NAALADL2: variants seen among roughly 807,000 people sequenced by gnomAD.
The protein encoded by NAALADL2 is inactive N-acetylated-alpha-linked acidic dipeptidase-like protein 2.
NAALADL2 carries 76 observed loss-of-function variants against 87.2 expected under a neutral mutation model. The observed-to-expected ratio is 0.87, with a 90% confidence interval of 0.72 to 1.05. NAALADL2 has a LOEUF of 1.05. Ranked by LOEUF, NAALADL2 falls within the 50% of genes least tolerant of loss-of-function variation. The pLI is 0.00. For synonymous variants in NAALADL2, 354 were observed against 331.0 expected, an observed-to-expected ratio of 1.07 and a Z score of -0.75; for missense variants, 1,089 against 945.8, an observed-to-expected ratio of 1.15 and a Z score of -1.99.
chr3:175,284,389 A>G (rs2110100367), intron 4 of NAALADL2, among the ~76,000 whole-genome samples: 1 of 152,174 alleles, frequency 6.6e-6, no homozygotes, highest in East Asian at 1.9e-4. Context: ...TCATTTTCTT[A>G]TACTATTATA....
chr3:175,784,335 G>A (rs1351967569), intron 13 of NAALADL2, among the ~76,000 whole-genome samples: 1 of 151,962 alleles, frequency 6.6e-6, no homozygotes, highest in Non-Finnish European at 1.5e-5. Context: ...TCTGGTCCTG[G>A]ACTATTTTTG....
chr3:175,405,622 A>C (rs1273968919), intron 5 of NAALADL2, among the ~76,000 whole-genome samples: 2 of 152,192 alleles, frequency 1.3e-5, no homozygotes, highest in Non-Finnish European at 2.9e-5. Flanking sequence ...TTTGGCACAC[A>C]TTAAAATTTA....
chr3:175,000,976 C>T (rs73048963), intron 1 of NAALADL2, among the ~76,000 whole-genome samples: 5,629 of 152,190 alleles, frequency 0.037, 330 homozygotes, highest in African/African-American at 0.13. Context: ...TAAAACACTG[C>T]GGCATGCGCA....
chr3:174,883,852 C>T (rs1315107874), intron 1 of NAALADL2, among the ~76,000 whole-genome samples: 3 of 152,126 alleles, frequency 2.0e-5, no homozygotes, highest in African/African-American at 7.2e-5. Flanking sequence ...TGTAATTTCC[C>T]ATTGACCTTA....
At chr3:174,992,332 A>G (rs887262849) in intron 1 of NAALADL2, among the ~76,000 whole-genome samples, 5 of 152,102 alleles carry the variant, frequency 3.3e-5, no homozygotes, top group Admixed American at 6.5e-5. Flanking sequence ...GTTGATTTGA[A>G]GCAACGTAAT....
chr3:174,964,015 C>T (rs942689129), intron 1 of NAALADL2, among the ~76,000 whole-genome samples: 10 of 135,262 alleles, frequency 7.4e-5, no homozygotes, highest in Non-Finnish European at 6.4e-5. Context: ...TACTTTTTCG[C>T]ATGTTATTAA....
At chr3:175,312,629 A>T (rs1032936023) in intron 4 of NAALADL2, among the ~76,000 whole-genome samples, 1 of 152,184 alleles carries the variant, frequency 6.6e-6, no homozygotes, top group Non-Finnish European at 1.5e-5. Context: ...CAGTGAAAAG[A>T]TTACGAGACT....
chr3:175,387,604 A>G (rs1188292957), intron 5 of NAALADL2, among the ~76,000 whole-genome samples: 9 of 152,150 alleles, frequency 5.9e-5, no homozygotes, highest in Non-Finnish European at 8.8e-5. Flanking sequence ...AACCAAAACC[A>G]TGTGTACAGT....
chr3:175,449,638 C>T (rs970936477), intron 6 of NAALADL2, among the ~76,000 whole-genome samples: 1 of 151,244 alleles, frequency 6.6e-6, no homozygotes, highest in Non-Finnish European at 1.5e-5. Context: ...CGTGATCCGC[C>T]CACCTCGGCC....
At chr3:174,571,193 C>T (rs1174755370) in intron 2 of NAALADL2, among the ~76,000 whole-genome samples, 1 of 152,100 alleles carries the variant, frequency 6.6e-6, no homozygotes, top group African/African-American at 2.4e-5. Flanking sequence ...GCAAAAAATA[C>T]ACCTGCAGGA....
At chr3:174,497,315 T>G (rs2108361459) in intron 1 of NAALADL2, among the ~76,000 whole-genome samples, 1 of 152,174 alleles carries the variant, frequency 6.6e-6, no homozygotes, top group Middle Eastern at 3.4e-3. Context: ...TATACTTAGC[T>G]TAGAAGATTT....
At chr3:175,000,753 C>T (rs936214883) in intron 1 of NAALADL2, among the ~76,000 whole-genome samples, 2 of 152,178 alleles carry the variant, frequency 1.3e-5, no homozygotes, top group Non-Finnish European at 2.9e-5. Flanking sequence ...AATATTAACA[C>T]CAACCATTTA....
chr3:175,712,050 G>T (rs536346982), intron 11 of NAALADL2, among the ~76,000 whole-genome samples: 5 of 151,916 alleles, frequency 3.3e-5, no homozygotes, highest in Non-Finnish European at 2.9e-5. Context: ...TTGTCATAAT[G>T]ATAAGTTATA....
At chr3:174,521,814 A>C (rs1720315345) in intron 1 of NAALADL2, among the ~76,000 whole-genome samples, 1 of 152,090 alleles carries the variant, frequency 6.6e-6, no homozygotes. Context: ...ATGAGGGTTG[A>C]AAAATTATCT....
intron 5 of NAALADL2, among the ~76,000 whole-genome samples, chr3:175,419,648 T>G (rs527305759): frequency 6.6e-6 from 1 of 152,120 alleles, no homozygotes; most frequent in East Asian, 1.9e-4. Flanking sequence ...CGTATTTCCG[T>G]TTTGTTCCTC....
intron 3 of NAALADL2, among the ~76,000 whole-genome samples, chr3:174,753,740 C>A (rs190290647): frequency 4.6e-5 from 7 of 152,208 alleles, no homozygotes; most frequent in Admixed American, 3.3e-4. Flanking sequence ...CCAGCAAAGT[C>A]CCCACTATGC....
At chr3:174,873,083 G>T (rs1043183940) in intron 1 of NAALADL2, among the ~76,000 whole-genome samples, 1 of 152,088 alleles carries the variant, frequency 6.6e-6, no homozygotes, top group Non-Finnish European at 1.5e-5. Flanking sequence ...TAAAGAATCT[G>T]TTGAGCATTT....
At position 174,925,069 on chromosome 3, in the gene NAALADL2, G is replaced by A. The variant is rs193276112; in HGVS notation, c.43+65619G>A. Among the ~76,000 whole-genome samples the A allele has an allele frequency of 1.2e-4, 19 of 152,188 alleles. 1 individual carries two copies. The highest frequency in any genetic ancestry group is 3.4e-4 in the African/African-American group (14 of 41,530). On this transcript the variant is annotated intron_variant, in intron 1 of 13. Transcript: ENST00000454872. ...TCTTTTGCTGTGTGTAAGCTCTTTCGTTTAATTAGATCCCATTTGTCAATT... is the reference window on the plus strand; with the variant it reads ...TCTTTTGCTGTGTGTAAGCTCTTTCATTTAATTAGATCCCATTTGTCAATT...
At chr3:175,416,767 A>G (rs1363825482) in intron 5 of NAALADL2, among the ~76,000 whole-genome samples, 1 of 152,094 alleles carries the variant, frequency 6.6e-6, no homozygotes, top group East Asian at 1.9e-4. Flanking sequence ...TTTTCTAATA[A>G]TATGAGGTTT....
Sources: allele counts gnomAD v4.1 joint callset (sites outside exome capture counted in the v4.1 genomes callset), GRCh38; gene constraint gnomAD v4.1.1; transcripts MANE v1.5; gene names NCBI Gene and HGNC (gene_info 2026-07-23, HGNC 2026-07-21).